CNBD1: variants seen among roughly 807,000 people sequenced by gnomAD.
CNBD1 encodes cyclic nucleotide binding domain containing 1, also known as cyclic nucleotide-binding domain-containing protein 1.
Under a neutral mutation model 54.4 loss-of-function variants are expected in CNBD1, and 71 were observed. The ratio of observed to expected loss-of-function variants is 1.30; its 90% CI spans 1.08 to 1.59. The LOEUF is 1.59. Among genes scored for constraint, CNBD1 ranks in the 40% most tolerant of loss-of-function variants. CNBD1 has a pLI of 0.00. For missense variants in CNBD1, 659 were observed against 518.0 expected (o/e 1.27, Z -2.64); for synonymous variants, 182 against 170.7 (o/e 1.07, Z -0.51).
chr8:87,421,002 T>C (rs1207820212), intron 2 of CNBD1, among the ~76,000 whole-genome samples: 2 of 151,922 alleles, frequency 1.3e-5, no homozygotes, highest in Non-Finnish European at 2.9e-5. Context: ...AAAGATAAAA[T>C]CAAGAATCAA....
At chr8:87,383,143 A>G (rs1170753465), downstream of CNBD1, among the ~76,000 whole-genome samples, 2 of 152,042 alleles carry the variant, frequency 1.3e-5, no homozygotes, top group African/African-American at 4.8e-5. Flanking sequence ...TGCTTTTTTC[A>G]TCTTTTAAAA....
intron 4 of CNBD1, among the ~76,000 whole-genome samples, chr8:87,027,315 A>T (rs1001746402): frequency 1.3e-5 from 2 of 152,070 alleles, no homozygotes; most frequent in Admixed American, 6.6e-5. Flanking sequence ...CTCTGTTGCC[A>T]GGCTGGAGTG....
rs568377273 is a variant in CNBD1 at position 87,241,496 on chromosome 8, T to TCTC, written c.771+4387_771+4389dup. On this transcript the variant is annotated intron_variant, in intron 6 of 10. Transcript: ENST00000518476. Reference sequence around the variant, plus strand: ...ACCGTGTTAGCCAGGATCGTCTTGATCTCCTGACCTCGTGATCCACCCGCC... The same window carrying TCTC: ...ACCGTGTTAGCCAGGATCGTCTTGATCTCCTCCTGACCTCGTGATCCACCCGCC... Among the ~76,000 whole-genome samples, 324 of 152,046 alleles carry TCTC rather than the reference T, an allele frequency of 2.1e-3. 2 individuals are homozygous for TCTC. Among genetic ancestry groups the TCTC allele is most frequent in the African/African-American group, 7.4e-3 (305 of 41,472 alleles).
intron 6 of CNBD1, among the ~76,000 whole-genome samples, chr8:87,282,107 AT>A (rs1298839205): frequency 1.3e-5 from 2 of 151,340 alleles, no homozygotes; most frequent in Middle Eastern, 3.6e-3. Context: ...TCATCACTTT[AT>A]TTTTTTGTCA....
intron 2 of CNBD1, among the ~76,000 whole-genome samples, chr8:87,391,310 A>G (rs1006425171): frequency 5.3e-5 from 8 of 152,102 alleles, no homozygotes; most frequent in African/African-American, 1.2e-4. Flanking sequence ...CACAAATTCA[A>G]TGCAGTCCCT....
At chr8:87,080,666 T>C (rs1410417494) in intron 4 of CNBD1, among the ~76,000 whole-genome samples, 2 of 152,220 alleles carry the variant, frequency 1.3e-5, no homozygotes, top group Non-Finnish European at 2.9e-5. Flanking sequence ...GTTGTAGACT[T>C]TGCCAGTGTT....
At chr8:86,926,039 C>T (rs578063471) in intron 3 of CNBD1, among the ~76,000 whole-genome samples, 1 of 152,226 alleles carries the variant, frequency 6.6e-6, no homozygotes, top group South Asian at 2.1e-4. Context: ...CCATTTCTGT[C>T]CTATCAGAGT....
At chr8:87,390,867 T>A (rs547861830) in intron 2 of CNBD1, among the ~76,000 whole-genome samples, 5 of 152,204 alleles carry the variant, frequency 3.3e-5, no homozygotes, top group Non-Finnish European at 7.4e-5. Context: ...ATAGACTGGA[T>A]TAAGAAAATA....
intron 4 of CNBD1, among the ~76,000 whole-genome samples, chr8:87,063,322 C>T (rs1365037852): frequency 6.6e-6 from 1 of 152,130 alleles, no homozygotes; most frequent in East Asian, 1.9e-4. Context: ...AGAATTGGAA[C>T]AATATGGTCC....
At chr8:87,165,567 C>G (rs1238556029) in intron 4 of CNBD1, among the ~76,000 whole-genome samples, 1 of 151,900 alleles carries the variant, frequency 6.6e-6, no homozygotes, top group Non-Finnish European at 1.5e-5. Flanking sequence ...CAAGCGCAGC[C>G]ACCCTTGCTT....
intron 5 of CNBD1, among the ~76,000 whole-genome samples, chr8:87,213,683 A>G (rs909944822): frequency 1.3e-5 from 2 of 152,088 alleles, no homozygotes; most frequent in Non-Finnish European, 2.9e-5. Flanking sequence ...ACACAGTCAA[A>G]CCATACCATT....
chr8:87,223,655 G>T (rs1234982224), intron 5 of CNBD1, among the ~76,000 whole-genome samples: 1 of 151,942 alleles, frequency 6.6e-6, no homozygotes, highest in Non-Finnish European at 1.5e-5. Flanking sequence ...TGGACATTTG[G>T]GTTGGTTCCA....
intron 2 of CNBD1, among the ~76,000 whole-genome samples, chr8:87,414,812 C>A (rs2130988117): frequency 6.6e-6 from 1 of 151,980 alleles, no homozygotes; most frequent in Non-Finnish European, 1.5e-5. Context: ...ATTTAGTATA[C>A]ATTATTTTTT....
Position 87,372,892 on chromosome 8 carries a change from G to A in CNBD1, c.1304-9728G>A, listed in dbSNP as rs143375116. ...TTTGTGGGCTCCCAGGAAGAGCATT[G>A]TCAACTTTGCATATAACTGTGGTAG... is the stretch of plus-strand genomic sequence containing the variant. On this transcript the variant is annotated intron_variant, in intron 10 of 10. Coordinates refer to ENST00000518476, the MANE Select transcript of CNBD1 (RefSeq NM_173538.3). Among the ~76,000 whole-genome samples the A allele has an allele frequency of 4.3e-3, 646 of 151,810 alleles. 7 individuals are homozygous for A. Among genetic ancestry groups the A allele is most frequent in the African/African-American group, 0.015 (617 of 41,510 alleles).
intron 4 of CNBD1, among the ~76,000 whole-genome samples, chr8:87,025,416 C>T (rs1053915117): frequency 6.6e-5 from 10 of 152,146 alleles, no homozygotes; most frequent in African/African-American, 1.4e-4. Flanking sequence ...ACACTCTCTG[C>T]GAAGGTCTGT....
At chr8:86,886,421 A>G (rs1808681351) in intron 1 of CNBD1, among the ~76,000 whole-genome samples, 1 of 152,124 alleles carries the variant, frequency 6.6e-6, no homozygotes, top group African/African-American at 2.4e-5. Flanking sequence ...AGTATTTCCA[A>G]GTTTATTATG....
chr8:87,340,981 G>T (rs7009356), intron 8 of CNBD1, among the ~76,000 whole-genome samples: 1 of 151,662 alleles, frequency 6.6e-6, no homozygotes, highest in African/African-American at 2.4e-5. Flanking sequence ...TAGTATCTGC[G>T]TATTTGAAAA....
At chr8:86,867,157 A>T (rs1043938913) in intron 1 of CNBD1, among the ~76,000 whole-genome samples, 2 of 152,186 alleles carry the variant, frequency 1.3e-5, no homozygotes, top group Non-Finnish European at 2.9e-5. Flanking sequence ...TTCTCATTTT[A>T]TGTAATTAGT....
intron 4 of CNBD1, among the ~76,000 whole-genome samples, chr8:87,119,207 A>T (rs995605478): frequency 6.6e-6 from 1 of 152,012 alleles, no homozygotes; most frequent in Non-Finnish European, 1.5e-5. Flanking sequence ...ATTAATTCTG[A>T]TCCATGACCA....
Sources: allele counts gnomAD v4.1 joint callset (sites outside exome capture counted in the v4.1 genomes callset), GRCh38; gene constraint gnomAD v4.1.1; transcripts MANE v1.5; gene names NCBI Gene and HGNC (gene_info 2026-07-23, HGNC 2026-07-21).